The following STK33 variants were observed in gnomAD, a reference collection of about 807,000 sequenced individuals.
STK33 encodes serine/threonine kinase 33.
STK33 carries 52 observed loss-of-function variants against 58.0 expected under a neutral mutation model. The observed-to-expected ratio is 0.90, with a 90% CI of 0.72 to 1.13. The LOEUF (loss-of-function observed/expected upper bound fraction) is 1.13, where lower values mean the gene tolerates loss of function less well. Among genes scored for constraint, STK33 ranks in the 50% most tolerant of loss-of-function variants. The probability of loss-of-function intolerance (pLI) is 0.00; values close to 1 mark genes in which losing one functional copy is unlikely to be tolerated. For synonymous variants in STK33, 215 were observed against 200.1 expected, an observed-to-expected ratio of 1.07 and a Z score of -0.63; for missense variants, 630 against 604.2, an observed-to-expected ratio of 1.04 and a Z score of -0.45.
the STK33 span, among the ~76,000 whole-genome samples, chr11:8,347,205 G>C: frequency 0.028 from 4,207 of 152,212 alleles, 175 homozygotes; most frequent in African/African-American, 0.095. Context: ...CTGAATGCAG[G>C]GGGGAGCTCA....
chr11:8,461,744 G>C, intron 8 of STK33, 61 bp downstream of exon 8: 3 of 1,312,552 alleles, frequency 2.3e-6, no homozygotes, highest in South Asian at 3.1e-5. Context: ...TTTCAGAATG[G>C]AATGATATTC....
At chr11:8,451,867 G>A (rs574078310) in intron 11 of STK33, among the ~76,000 whole-genome samples, 17 of 151,396 alleles carry the variant, frequency 1.1e-4, no homozygotes, top group Non-Finnish European at 2.1e-4. Context: ...TATCTAATCA[G>A]TACTCCATGA....
chr11:8,547,270 A>C (rs1955995878), intron 1 of STK33, among the ~76,000 whole-genome samples: 1 of 152,152 alleles, frequency 6.6e-6, no homozygotes, highest in Admixed American at 6.5e-5. Flanking sequence ...GCTGGAGTGC[A>C]ATGGTGCAAT....
intron 15 of STK33, among the ~76,000 whole-genome samples, chr11:8,411,338 T>C (rs1397174007): frequency 6.6e-6 from 1 of 152,234 alleles, no homozygotes; most frequent in African/African-American, 2.4e-5. Flanking sequence ...AAGTGTGTGA[T>C]ATCTTAGTCC....
intron 15 of STK33, among the ~76,000 whole-genome samples, chr11:8,410,475 T>C (rs9735256): frequency 3.6e-4 from 50 of 138,020 alleles, no homozygotes; most frequent in Admixed American, 8.4e-4. Flanking sequence ...CTTTTCTTTT[T>C]TTTTTTTTTT....
At chr11:8,581,602 T>C (rs2030283488) in intron 1 of STK33, among the ~76,000 whole-genome samples, 1 of 152,158 alleles carries the variant, frequency 6.6e-6, no homozygotes, top group Non-Finnish European at 1.5e-5. Context: ...TTCTAAGTGT[T>C]TGGAAGAAAA....
At chr11:8,518,610 G>A (rs927384062) in intron 1 of STK33, among the ~76,000 whole-genome samples, 3 of 152,180 alleles carry the variant, frequency 2.0e-5, no homozygotes, top group African/African-American at 7.2e-5. Context: ...CACATGCAGA[G>A]ACACACATAG....
chr11:8,495,443 A>G (rs1209781135), intron 1 of STK33, among the ~76,000 whole-genome samples: 2 of 152,196 alleles, frequency 1.3e-5, no homozygotes, highest in Admixed American at 1.3e-4. Context: ...AAAAGTCAGG[A>G]AACAACAGAT....
intron 15 of STK33, among the ~76,000 whole-genome samples, chr11:8,407,098 GA>G (rs1165713545): frequency 6.6e-6 from 1 of 151,490 alleles, no homozygotes; most frequent in African/African-American, 2.4e-5. Context: ...CAAAATCATT[GA>G]GATAATTATA....
chr11:8,434,970 C>A (rs144790296), intron 14 of STK33, among the ~76,000 whole-genome samples: 1 of 152,122 alleles, frequency 6.6e-6, no homozygotes, highest in Non-Finnish European at 1.5e-5. Context: ...AGGTAATGTT[C>A]GGGTGCAGGG....
rs557032845 is a variant in STK33, at chr11:8,437,360, A to G, written c.948-1221T>C. On this transcript the variant is annotated intron_variant, in intron 12 of 15. Coordinates refer to ENST00000687296, the MANE Select transcript of STK33 (RefSeq NM_001352389.2). Reference sequence around the variant, plus strand: ...GCTGAGTTCAATTCTTCATAACACAATATCAACAAATGTCAGCCATCCTCA... The same window carrying G: ...GCTGAGTTCAATTCTTCATAACACAGTATCAACAAATGTCAGCCATCCTCA... Among the ~76,000 whole-genome samples, 5 of 152,310 alleles carry G rather than the reference A, an allele frequency of 3.3e-5. No homozygotes were observed. The South Asian group carries it at 6.2e-4, about 19-fold the overall frequency.
chr11:8,507,784 C>T (rs1273478541), intron 1 of STK33, among the ~76,000 whole-genome samples: 1 of 152,198 alleles, frequency 6.6e-6, no homozygotes, highest in African/African-American at 2.4e-5. Flanking sequence ...ACCTATAATA[C>T]GACTCCTATC....
At chr11:8,361,024 G>A in the STK33 span, among the ~76,000 whole-genome samples, 2 of 152,186 alleles carry the variant, frequency 1.3e-5, no homozygotes, top group Non-Finnish European at 2.9e-5. The surrounding 1 kb of genome is among the most constrained non-coding windows in gnomAD (Gnocchi z 4.8). Flanking sequence ...ATCTTGGGGG[G>A]TCACCTTTAC....
At chr11:8,398,041 G>A (rs1035901431) in intron 15 of STK33, among the ~76,000 whole-genome samples, 20 of 152,300 alleles carry the variant, frequency 1.3e-4, no homozygotes, top group Non-Finnish European at 2.1e-4. Flanking sequence ...CACTCTGCAC[G>A]ATATTATCCA....
At chr11:8,379,241 A>C in the STK33 span, among the ~76,000 whole-genome samples, 99 of 152,202 alleles carry the variant, frequency 6.5e-4, no homozygotes, top group Non-Finnish European at 1.3e-3. Context: ...CTAGGCAAAT[A>C]ATTCATAACT....
At chr11:8,428,867 T>C (rs933587684) in intron 14 of STK33, among the ~76,000 whole-genome samples, 1 of 152,168 alleles carries the variant, frequency 6.6e-6, no homozygotes, top group Non-Finnish European at 1.5e-5. Flanking sequence ...TGATCAATTA[T>C]ATACTACTGA....
At chr11:8,507,428 CT>C (rs1284872446) in intron 1 of STK33, among the ~76,000 whole-genome samples, 3 of 152,142 alleles carry the variant, frequency 2.0e-5, no homozygotes, top group Non-Finnish European at 4.4e-5. Context: ...ATATAAAATA[CT>C]TATACTGCTG....
chr11:8,429,550 T>C (rs1943165160), intron 14 of STK33, among the ~76,000 whole-genome samples: 1 of 152,180 alleles, frequency 6.6e-6, no homozygotes. Flanking sequence ...CTCTTCTCTG[T>C]TCCCACTCAC....
chr11:8,573,383 T>A (rs1957956107), intron 1 of STK33, among the ~76,000 whole-genome samples: 1 of 152,116 alleles, frequency 6.6e-6, no homozygotes, highest in Non-Finnish European at 1.5e-5. Flanking sequence ...AATATCGCAA[T>A]GAAGTATCAT....
Sources: allele counts gnomAD v4.1 joint callset (sites outside exome capture counted in the v4.1 genomes callset), GRCh38; gene constraint gnomAD v4.1.1; non-coding constraint Gnocchi (gnomAD v3.1); transcripts MANE v1.5; gene names NCBI Gene and HGNC (gene_info 2026-07-23, HGNC 2026-07-21).